The following DNASE1 variants were observed in gnomAD, a reference collection of about 807,000 sequenced individuals.
DNASE1 encodes deoxyribonuclease 1.
A neutral mutation model predicts 33.9 loss-of-function variants in DNASE1; 40 were observed. That is an observed-to-expected ratio of 1.18 (90% CI 0.92 to 1.54). The LOEUF (loss-of-function observed/expected upper bound fraction) is 1.54. Ranked by LOEUF, DNASE1 falls within the 40% of genes most tolerant of loss-of-function variation. The pLI, the probability that DNASE1 is intolerant of heterozygous loss-of-function variation, is 0.00. For missense variants in DNASE1, 518 were observed against 372.6 expected, an observed-to-expected ratio of 1.39 and a Z score of -3.21; for synonymous variants, 216 against 160.0, an observed-to-expected ratio of 1.35 and a Z score of -2.64.
At chr16:3,655,256 C>A (rs1448801369) in intron 1 of DNASE1, 117 bp from the exon 2 acceptor site, 2 of 1,411,790 alleles carry the variant, frequency 1.4e-6, no homozygotes, top group East Asian at 4.8e-5. Context: ...CCCCCGCCTG[C>A]GTCCCCCTGA....
chr16:3,620,518 C>CAA (rs747025420), intron 1 of DNASE1, among the ~76,000 whole-genome samples: 1 of 95,658 alleles, frequency 1.0e-5, no homozygotes. Flanking sequence ...GACCCTGTCT[C>CAA]AAAAAAAAAA....
At chr16:3,658,322 T>C (rs2042843587), downstream of DNASE1, 1 of 1,023,228 alleles carries the variant, frequency 9.8e-7, no homozygotes, top group Middle Eastern at 2.1e-4. Flanking sequence ...TTGCCGAGGC[T>C]GGAGTGCAGA....
chr16:3,640,685 T>A (rs1391480508), upstream of DNASE1: 2 of 398,504 alleles, frequency 5.0e-6, no homozygotes, highest in Non-Finnish European at 8.8e-6. Flanking sequence ...CTGATGGGCA[T>A]GAGTAACACT....
At chr16:3,655,246 C>T in intron 1 of DNASE1, 127 bp from the exon 2 acceptor site, 3 of 1,323,514 alleles carry the variant, frequency 2.3e-6, no homozygotes, top group Non-Finnish European at 3.1e-6. Flanking sequence ...GAAAGGGTTT[C>T]CCCCGCCTGC....
downstream of DNASE1, chr16:3,662,573 G>A: frequency 1.7e-6 from 1 of 597,374 alleles, no homozygotes; most frequent in South Asian, 1.6e-5. Context: ...GAGGGCTGGG[G>A]TAGCATGTCC....
Position 3,657,292 on chromosome 16 carries a change from C to A in DNASE1, c.655C>A (p.Pro219Thr). 1 of 1,613,916 alleles carries A rather than the reference C, an allele frequency of 6.2e-7. No homozygotes were observed. ...WTSPTFQWLI[P>T]DSADTTATPT... is the part of the protein sequence containing the mutation. ...AAGCCCCACCTTCCAGTGGCTGATC[C>A]CCGACAGCGCTGACACCACAGCTAC... The change falls in exon 7 of 9, where the codon CCC becomes ACC. Residue 219 changes from proline (P) to threonine (T), a missense_variant. By Grantham distance (38) the Pro-to-Thr change is conservative. Transcript: ENST00000246949.
At chr16:3,621,661 A>G (rs75648403) in intron 1 of DNASE1, among the ~76,000 whole-genome samples, 1 of 152,172 alleles carries the variant, frequency 6.6e-6, no homozygotes, top group Non-Finnish European at 1.5e-5. Flanking sequence ...TCCTTATTAC[A>G]TATAAATCTA....
intron 1 of DNASE1, among the ~76,000 whole-genome samples, chr16:3,626,401 T>A (rs1355054936): frequency 6.6e-6 from 1 of 152,198 alleles, no homozygotes; most frequent in African/African-American, 2.4e-5. Context: ...CATGGTTATT[T>A]AGAAGTATGT....
chr16:3,648,018 C>T (rs938713041), intron 1 of DNASE1, among the ~76,000 whole-genome samples: 3 of 151,970 alleles, frequency 2.0e-5, no homozygotes, highest in East Asian at 1.9e-4. Flanking sequence ...AAATACAAAA[C>T]TTAGCCAGGC....
At chr16:3,628,072 G>C (rs1251415635) in intron 1 of DNASE1, among the ~76,000 whole-genome samples, 1 of 151,714 alleles carries the variant, frequency 6.6e-6, no homozygotes, top group East Asian at 1.9e-4. Context: ...TCCAACCCAT[G>C]AAAGTGTGAT....
intron 1 of DNASE1, among the ~76,000 whole-genome samples, chr16:3,644,296 C>T (rs1449248855): frequency 2.0e-5 from 3 of 151,980 alleles, no homozygotes; most frequent in African/African-American, 7.2e-5. Flanking sequence ...GGTGCAGTGG[C>T]TGACACCTGT....
At chr16:3,612,549 C>CTTTTTT (rs35085629) in intron 1 of DNASE1, among the ~76,000 whole-genome samples, 1 of 62,976 alleles carries the variant, frequency 1.6e-5, no homozygotes, top group Non-Finnish European at 2.9e-5. Flanking sequence ...CCGCTCACGG[C>CTTTTTT]TTTTTTTTTT....
intron 1 of DNASE1, among the ~76,000 whole-genome samples, chr16:3,614,102 C>T (rs886721367): frequency 4.6e-5 from 7 of 151,962 alleles, no homozygotes; most frequent in Admixed American, 1.3e-4. Context: ...TTAGTAGAGA[C>T]GGGGTTTCAC....
chr16:3,631,908 T>C (rs771428668), intron 1 of DNASE1, among the ~76,000 whole-genome samples: 11 of 152,250 alleles, frequency 7.2e-5, no homozygotes, highest in African/African-American at 1.4e-4. Context: ...TTTCTTTTTG[T>C]AGTAACATGT....
upstream of DNASE1, among the ~76,000 whole-genome samples, chr16:3,638,418 A>G (rs555094839): frequency 1.7e-3 from 254 of 152,210 alleles, no homozygotes; most frequent in African/African-American, 5.0e-3. Context: ...GCTCACTGCA[A>G]GCTCCGCCTC....
chr16:3,621,795 C>A (rs1022945634), intron 1 of DNASE1, among the ~76,000 whole-genome samples: 1 of 152,188 alleles, frequency 6.6e-6, no homozygotes, highest in Non-Finnish European at 1.5e-5. Context: ...GTGCATTGAA[C>A]ATACTTGTAT....
chr16:3,614,013 C>A (rs1380823822), intron 1 of DNASE1, among the ~76,000 whole-genome samples: 1 of 149,714 alleles, frequency 6.7e-6, no homozygotes, highest in African/African-American at 2.5e-5. Context: ...CCCGGGTTCA[C>A]GCCATTCTCC....
At chr16:3,621,262 A>T (rs1393260442) in intron 1 of DNASE1, among the ~76,000 whole-genome samples, 1 of 151,908 alleles carries the variant, frequency 6.6e-6, no homozygotes, top group Non-Finnish European at 1.5e-5. Flanking sequence ...ACTTTTAAAA[A>T]TTTTTGTAGA....
chr16:3,656,804 C>T (rs1043145043), intron 5 of DNASE1, 51 bp downstream of exon 5: 2 of 1,556,100 alleles, frequency 1.3e-6, no homozygotes, highest in Non-Finnish European at 8.7e-7. Flanking sequence ...TTATGGCCTC[C>T]ACCCCCTCCT....
Sources: allele counts gnomAD v4.1 joint callset (sites outside exome capture counted in the v4.1 genomes callset), GRCh38; gene constraint gnomAD v4.1.1; transcripts MANE v1.5; gene names NCBI Gene and HGNC (gene_info 2026-07-23, HGNC 2026-07-21).